CECR2: variants seen among roughly 807,000 people sequenced by gnomAD.
CECR2 encodes the protein CECR2 histone acetyl-lysine reader.
A neutral mutation model predicts 154.5 loss-of-function variants in CECR2; 30 were observed. That is an observed-to-expected ratio of 0.19 (90% confidence interval 0.15 to 0.26). The LOEUF (loss-of-function observed/expected upper bound fraction) is 0.26, where lower values mean the gene tolerates loss of function less well. Among genes scored for constraint, CECR2 ranks in the 10% least tolerant of loss-of-function variants. The probability of loss-of-function intolerance (pLI) is 1.00; values close to 1 mark genes in which losing one functional copy is unlikely to be tolerated. For synonymous variants in CECR2, 725 were observed against 683.7 expected (o/e 1.06, Z -0.94); for missense variants, 1,743 against 1,829.3 (o/e 0.95, Z 0.86).
chr22:17,548,566 C>G lies in CECR2; in HGVS notation c.3279C>G (p.Cys1093Trp). Residue 1093 changes from cysteine (C) to tryptophan (W), a missense_variant, in exon 17 of 19, where the codon TGC becomes TGG. Cys to Trp is a radical substitution (Grantham distance 215). Transcript: ENST00000262608. The stretch of plus-strand genomic sequence containing the variant: ...GAACGTTGCAGGAAACCATGCCATG[C>G]ACGGGACAGAACGCAGCGACACCGC... The part of the protein sequence containing the change: ...RGRTLQETMP[C>W]TGQNAATPPS... The G allele has an allele frequency of 1.2e-6, 2 of 1,613,732 alleles. No individual in the cohort carries two copies. Among genetic ancestry groups the G allele is most frequent in the Non-Finnish European group, 1.7e-6 (2 of 1,179,804 alleles).
In CECR2 at chr22:17,455,585, A is replaced by C. The variant is rs548650147; in HGVS notation, c.127-22003A>C. ...TCCATTGATGTGTATGGTGTACGCA[A>C]CTTGGCAGCTTAAAACAGCACACTG... On this transcript the variant is annotated intron_variant, in intron 1 of 18. Coordinates refer to ENST00000262608, the MANE Select transcript of CECR2 (RefSeq NM_001290047.2). Among the ~76,000 whole-genome samples the C allele has an allele frequency of 1.3e-3, 199 of 152,260 alleles. 2 individuals carry two copies. The highest frequency in any genetic ancestry group is 3.4e-3 in the Middle Eastern group (1 of 294).
At chr22:17,366,186 G>T (rs909818260), upstream of CECR2, among the ~76,000 whole-genome samples, 1 of 151,914 alleles carries the variant, frequency 6.6e-6, no homozygotes, top group Non-Finnish European at 1.5e-5. Flanking sequence ...TATGAGCTGT[G>T]TTTTTTCTTT....
rs577059246 is a variant in CECR2, at chr22:17,408,265, T to C, written c.126+38356T>C. ...TGCTTTCTGTCTGTGGATTCTAAAT[T>C]ATTTTTATATTTGCTTTTTTGTGGT... On this transcript the variant is annotated intron_variant, in intron 1 of 18. Transcript: ENST00000262608. Among the ~76,000 whole-genome samples, 4 of 148,346 alleles carry C rather than the reference T, an allele frequency of 2.7e-5. No homozygotes were observed. In the East Asian group the frequency reaches 8.3e-4, roughly 31 times the overall value.
At chr22:17,389,572 A>G (rs1184165607) in intron 1 of CECR2, among the ~76,000 whole-genome samples, 15 of 152,106 alleles carry the variant, frequency 9.9e-5, no homozygotes, top group Non-Finnish European at 1.3e-4. Context: ...CAGCCTCCCA[A>G]GTAGCTAGGA....
intron 3 of CECR2, 75 bp downstream of exon 3, chr22:17,497,661 C>G: frequency 7.0e-7 from 1 of 1,432,534 alleles, no homozygotes; most frequent in Non-Finnish European, 9.7e-7. Context: ...AACGTAAAAC[C>G]CAAAGATACT....
intron 1 of CECR2, among the ~76,000 whole-genome samples, chr22:17,391,119 G>A (rs190077134): frequency 6.6e-6 from 1 of 152,288 alleles, no homozygotes; most frequent in Non-Finnish European, 1.5e-5. Context: ...TACTTCCTAT[G>A]AATAAGGACT....
At chr22:17,422,275 G>A (rs1359881727) in intron 1 of CECR2, among the ~76,000 whole-genome samples, 3 of 152,176 alleles carry the variant, frequency 2.0e-5, no homozygotes, top group Admixed American at 2.0e-4. Flanking sequence ...TCGGCTCACT[G>A]CAACCTCCAC....
chr22:17,366,331 G>A (rs2063001740), upstream of CECR2, among the ~76,000 whole-genome samples: 2 of 152,106 alleles, frequency 1.3e-5, no homozygotes. Flanking sequence ...GGGAGTACAG[G>A]GGCGTGCCAC....
intron 7 of CECR2, among the ~76,000 whole-genome samples, chr22:17,510,895 C>T (rs71315381): frequency 0.013 from 1,998 of 152,088 alleles, 23 homozygotes; most frequent in Non-Finnish European, 0.019. Flanking sequence ...GTGAGCCACC[C>T]CACCCAGCCC....
chr22:17,475,725 T>A (rs1401417067), intron 1 of CECR2, among the ~76,000 whole-genome samples: 1 of 152,208 alleles, frequency 6.6e-6, no homozygotes, highest in African/African-American at 2.4e-5. Flanking sequence ...TTGCTTCTGT[T>A]GTAAGTCACT....
intron 1 of CECR2, among the ~76,000 whole-genome samples, chr22:17,437,059 A>G (rs888977958): frequency 2.0e-5 from 3 of 152,128 alleles, no homozygotes; most frequent in Non-Finnish European, 4.4e-5. Flanking sequence ...GGCCTCTGAC[A>G]AGTCTCTTGC....
intron 1 of CECR2, among the ~76,000 whole-genome samples, chr22:17,415,986 G>C (rs907329368): frequency 6.6e-6 from 1 of 152,142 alleles, no homozygotes; most frequent in Non-Finnish European, 1.5e-5. Context: ...GTACACTCAC[G>C]ATTTCTGGGA....
rs141772853 is a variant in CECR2, at chr22:17,419,525, A to G, written c.126+49616A>G. The G allele has an allele frequency of 1.5e-3, 274 of 185,018 alleles. 4 individuals are homozygous for G. The highest frequency in any genetic ancestry group is 8.7e-3 in the African/African-American group (179 of 20,650). The allele number at this position is 185,018 out of a possible 1,614,324, so 11.5% of individuals were successfully genotyped here. On this transcript the variant is annotated intron_variant, in intron 1 of 18. Transcript: ENST00000262608. ...AGGAAGAGGAGGAAGAAGAAGAAGA[A>G]GAAGAGGAAGAGGAAGAGGAAGAGG...
At chr22:17,519,465 A>G (rs1028988883) in intron 8 of CECR2, among the ~76,000 whole-genome samples, 1 of 151,556 alleles carries the variant, frequency 6.6e-6, no homozygotes, top group Non-Finnish European at 1.5e-5. Flanking sequence ...TCACCACATT[A>G]GCCAGGAAGG....
intron 1 of CECR2, among the ~76,000 whole-genome samples, chr22:17,406,537 C>A (rs2053987340): frequency 6.6e-6 from 1 of 152,056 alleles, no homozygotes; most frequent in Non-Finnish European, 1.5e-5. Context: ...CCCCCCACCC[C>A]TCCCTCCAAA....
intron 1 of CECR2, among the ~76,000 whole-genome samples, chr22:17,464,877 G>T (rs1443179216): frequency 6.6e-6 from 1 of 151,968 alleles, no homozygotes; most frequent in Non-Finnish European, 1.5e-5. Context: ...GTTTTTCAAT[G>T]TACTTCTGAT....
chr22:17,381,989 C>G (rs1292054083), intron 1 of CECR2, among the ~76,000 whole-genome samples: 2 of 152,016 alleles, frequency 1.3e-5, no homozygotes, highest in South Asian at 2.1e-4. Context: ...CTGGGTTCAC[C>G]CCATTCTCCT....
chr22:17,525,731 G>A (rs1204161135), intron 9 of CECR2, among the ~76,000 whole-genome samples: 1 of 152,228 alleles, frequency 6.6e-6, no homozygotes, highest in East Asian at 1.9e-4. Context: ...AATTCCTCAG[G>A]ACATAATAAC....
At chr22:17,427,372 A>T (rs1365164219) in intron 1 of CECR2, among the ~76,000 whole-genome samples, 1 of 152,192 alleles carries the variant, frequency 6.6e-6, no homozygotes, top group African/African-American at 2.4e-5. Context: ...CTTTGGGTAT[A>T]TACCCAGTAA....
Sources: gnomAD v4.1 joint callset for allele counts (sites outside exome capture counted in the v4.1 genomes callset) on GRCh38, gnomAD v4.1.1 for gene constraint, MANE v1.5 for transcripts, NCBI Gene and HGNC (gene_info 2026-07-23, HGNC 2026-07-21) for gene names.